Variants in PYCR3 observed in about 807,000 individuals in gnomAD.
The protein encoded by PYCR3 is P5C reductase 3.
A neutral mutation model predicts 23.4 loss-of-function variants in PYCR3; 26 were observed. The ratio of observed to expected loss-of-function variants is 1.11; its 90% confidence interval spans 0.81 to 1.54. The LOEUF is 1.54. Ranked by LOEUF, PYCR3 falls within the 40% of genes most tolerant of loss-of-function variation. The pLI, the probability that PYCR3 is intolerant of heterozygous loss-of-function variation, is 0.00. For missense variants in PYCR3, 360 were observed against 376.3 expected, an observed-to-expected ratio of 0.96 and a Z score of 0.36; for synonymous variants, 194 against 162.6, an observed-to-expected ratio of 1.19 and a Z score of -1.47.
At chr8:143,606,771 C>G in intron 3 of PYCR3, 92 bp from the exon 4 acceptor site, 1 of 1,386,540 alleles carries the variant, frequency 7.2e-7, no homozygotes, top group Non-Finnish European at 9.8e-7. Context: ...TCCACGTCAG[C>G]TCGCGGTGGG....
Position 143,606,146 on chromosome 8 carries a change from T to C in PYCR3, c.558A>G (p.Ala186=). 6.2e-7 allele frequency: 1 copy of C among 1,608,524 alleles called. No individual in the cohort carries two copies. The highest frequency in any genetic ancestry group is 8.5e-7 in the Non-Finnish European group (1 of 1,178,260). Residue 186 remains alanine (A), a synonymous_variant, in exon 5 of 6, where the codon GCA becomes GCG. Coordinates refer to ENST00000495276, the MANE Select transcript of PYCR3 (RefSeq NM_023078.6). The part of the protein sequence containing the change: ...LSGSGVAFVC[A]FSEALAEGAV... ...CTCCTTCAGCCAGGGCCTCGGAGAATGCACACACCTGTAGCCGCGGCATGG... is the reference window on the plus strand; with the variant it reads ...CTCCTTCAGCCAGGGCCTCGGAGAACGCACACACCTGTAGCCGCGGCATGG...
chr8:143,604,589 G>C lies in PYCR3; in HGVS notation c.*1111C>G. 3.2e-6 allele frequency: 1 copy of C among 308,294 alleles called. No individual in the cohort carries two copies. Among genetic ancestry groups the C allele is most frequent in the Non-Finnish European group, 6.3e-6 (1 of 159,434 alleles). The allele number at this position is 308,294 out of a possible 1,614,324, so 19.1% of individuals were successfully genotyped here. A position where few individuals can be genotyped will look rare whatever the true frequency, so the allele number is the denominator to read the frequency against. The stretch of plus-strand genomic sequence containing the variant: ...TCCCGCCTCACCTCCAGAGGCTGTT[G>C]GGCGGAAGCCGAGAGCTGCAGCAGT... On this transcript the variant is annotated 3_prime_UTR_variant, in exon 6 of 6. Transcript: ENST00000495276.
intron 1 of PYCR3, 98 bp from the exon 2 acceptor site, chr8:143,608,224 G>T: frequency 1.0e-6 from 1 of 962,836 alleles, no homozygotes; most frequent in South Asian, 1.4e-5. Flanking sequence ...GCTCAGCCAC[G>T]CCTGGCCCAT....
Position 143,605,100 on chromosome 8 carries a change from C to CT in PYCR3, c.*599_*600insA. On this transcript the variant is annotated 3_prime_UTR_variant, in exon 6 of 6. Transcript: ENST00000495276. ...CCTGCTCCTTAGCAGGGGATGAGCA[C>CT]GCCCACCACAGCCACCCTCTTCTCC... 1 of 367,440 alleles carries CT rather than the reference C, an allele frequency of 2.7e-6. No homozygotes were observed. The highest frequency in any genetic ancestry group is 5.4e-6 in the Non-Finnish European group (1 of 185,728). The allele number at this position is 367,440 out of a possible 1,614,324, so 22.8% of individuals were successfully genotyped here. A position where few individuals can be genotyped will look rare whatever the true frequency, so the allele number is the denominator to read the frequency against.
chr8:143,609,459 T>C lies in PYCR3; in HGVS notation c.90A>G (p.Ala30=). Reference sequence around the variant, plus strand: ...AGGCCTAGCCCCGCGCCGCCCCACCTGCTCTGATGAGGCCCTGCGCGATGG... The same window carrying C: ...AGGCCTAGCCCCGCGCCGCCCCACCCGCTCTGATGAGGCCCTGCGCGATGG... The part of the protein sequence containing the change: ...AGAIAQGLIR[A]GKVEAQHILA... The change falls in exon 1 of 6, where the codon GCA becomes GCG. Residue 30 remains alanine (A), a splice_region_variant and synonymous_variant. Coordinates refer to ENST00000495276, the MANE Select transcript of PYCR3 (RefSeq NM_023078.6). The C allele has an allele frequency of 6.6e-7, 1 of 1,505,264 alleles. No individual in the cohort carries two copies. The allele number at this position is 1,505,264 out of a possible 1,614,324, so 93.2% of individuals were successfully genotyped here. A position where few individuals can be genotyped will look rare whatever the true frequency, so the allele number is the denominator to read the frequency against.
At chr8:143,609,344 G>C (rs1829481974) in intron 1 of PYCR3, 114 bp downstream of exon 1, 2 of 1,214,910 alleles carry the variant, frequency 1.6e-6, no homozygotes, top group Non-Finnish European at 2.2e-6. Flanking sequence ...TGCGCCCAGC[G>C]GAGCGGAGAC....
At chr8:143,608,654 C>G (rs192191534) in intron 1 of PYCR3, 19 of 321,286 alleles carry the variant, frequency 5.9e-5, no homozygotes, top group African/African-American at 4.2e-4. Flanking sequence ...TAAGGTCGAA[C>G]AGGAAGGCAC....
chr8:143,607,862 C>A (rs1270137823), intron 2 of PYCR3, among the ~76,000 whole-genome samples, 200 bp downstream of exon 2: 1 of 152,212 alleles, frequency 6.6e-6, no homozygotes, highest in Non-Finnish European at 1.5e-5. Flanking sequence ...CACACACACA[C>A]AAACACTTTG....
intron 3 of PYCR3, 58 bp downstream of exon 3, chr8:143,606,895 C>T (rs1829416857): frequency 2.0e-6 from 3 of 1,520,338 alleles, no homozygotes; most frequent in Non-Finnish European, 2.7e-6. Flanking sequence ...GCCTGCCGCC[C>T]AAGCCTGGCC....
chr8:143,608,212 A>T (rs1311271759), intron 1 of PYCR3, 86 bp from the exon 2 acceptor site: 2 of 1,115,076 alleles, frequency 1.8e-6, no homozygotes, highest in Admixed American at 3.6e-5. Context: ...TTGGCCTCTC[A>T]GGCTCAGCCA....
At chr8:143,608,950 G>A (rs1161252232) in intron 1 of PYCR3, 15 of 456,642 alleles carry the variant, frequency 3.3e-5, no homozygotes, top group South Asian at 1.6e-4. Context: ...AATGCCTGGA[G>A]GAGTATATGG....
rs952563651 is a variant in PYCR3 at position 143,603,239 on chromosome 8, T to C, written c.*2461A>G. The C allele has an allele frequency of 6.6e-6, 1 of 152,200 alleles. No individual in the cohort carries two copies. The highest frequency in any genetic ancestry group is 2.4e-5 in the African/African-American group (1 of 41,438). 9.4% of individuals were successfully genotyped at this position (152,200 alleles called of 1,614,324 possible). On this transcript the variant is annotated 3_prime_UTR_variant, in exon 6 of 6. Coordinates refer to ENST00000495276, the MANE Select transcript of PYCR3 (RefSeq NM_023078.6). ...CTTCATGAGCATCCCTGTTTTGAAG[T>C]CTTATTTTTAAACTCTTGATCCAAC...
intron 2 of PYCR3, among the ~76,000 whole-genome samples, chr8:143,607,571 C>T (rs1175575236): frequency 6.6e-6 from 1 of 152,160 alleles, no homozygotes; most frequent in South Asian, 2.1e-4. Context: ...CACTCATACA[C>T]GCACACACGC....
Position 143,604,632 on chromosome 8 carries a change from TG to T in PYCR3, c.*1067del, listed in dbSNP as rs1267286539. 5 of 313,156 alleles carry T rather than the reference TG, an allele frequency of 1.6e-5. No homozygotes were observed. Among genetic ancestry groups the T allele is most frequent in the African/African-American group, 2.2e-5 (1 of 44,490 alleles). 19.4% of individuals were successfully genotyped at this position (313,156 alleles called of 1,614,324 possible). A position where few individuals can be genotyped will look rare whatever the true frequency, so the allele number is the denominator to read the frequency against. On this transcript the variant is annotated 3_prime_UTR_variant, in exon 6 of 6. Transcript: ENST00000495276. ...GCAGCAGTTGGGGCCAGCGTGGGAC[TG>T]GAGGCCCAGGTGAATCTTGTGGGGC...
chr8:143,605,215 A>C lies in PYCR3; in HGVS notation c.*485T>G. ...GCAGGGGAGAGGGTCTCTTGTGCAG[A>C]CCCCATATGGCTCGTGCCCCCTAGA... On this transcript the variant is annotated 3_prime_UTR_variant, in exon 6 of 6. Coordinates refer to ENST00000495276, the MANE Select transcript of PYCR3 (RefSeq NM_023078.6). 3.1e-6 allele frequency: 1 copy of C among 320,106 alleles called. No individual in the cohort carries two copies. The highest frequency in any genetic ancestry group is 6.1e-6 in the Non-Finnish European group (1 of 164,522). The allele number at this position is 320,106 out of a possible 1,614,324, so 19.8% of individuals were successfully genotyped here. A position where few individuals can be genotyped will look rare whatever the true frequency, so the allele number is the denominator to read the frequency against.
rs1186276934 is a variant in PYCR3 at position 143,606,503 on chromosome 8, G to A, written c.513C>T (p.Asp171=). 1.2e-6 allele frequency: 2 copies of A among 1,612,728 alleles called. No individual in the cohort carries two copies. The highest frequency in any genetic ancestry group is 2.7e-5 in the African/African-American group (2 of 74,904). ...RCEEVPEAYV[D]IHTGLSGSGV... is the part of the protein sequence containing the mutation. The stretch of plus-strand genomic sequence containing the variant: ...CACTGCCACTGAGGCCAGTGTGGAT[G>A]TCGACGTAGGCTTCAGGCACCTCCT... The change falls in exon 4 of 6, where the codon GAC becomes GAT. Residue 171 remains aspartate, a synonymous_variant. Transcript: ENST00000495276.
Position 143,605,860 on chromosome 8 carries a change from TGCA to T in PYCR3, c.662_664del (p.Leu221del), listed in dbSNP as rs761987994. The T allele has an allele frequency of 6.2e-7, 1 of 1,609,142 alleles. No individual in the cohort carries two copies. The highest frequency in any genetic ancestry group is 8.5e-7 in the Non-Finnish European group (1 of 1,177,988). On this transcript the variant is annotated inframe_deletion, in exon 6 of 6. Coordinates refer to ENST00000495276, the MANE Select transcript of PYCR3 (RefSeq NM_023078.6). ...CAGCTGGGCTGGGTGTTGGCCCTCG[TGCA>T]GCAGCATCTTGGCCGTCCCCTGAGG... is the stretch of plus-strand genomic sequence containing the variant.
intron 3 of PYCR3, 114 bp downstream of exon 3, chr8:143,606,839 G>A: frequency 7.2e-7 from 1 of 1,380,152 alleles, no homozygotes; most frequent in Non-Finnish European, 9.9e-7. Context: ...CCAGCCACTT[G>A]ATCCAGGTGG....
rs183033136 is a variant in PYCR3, at chr8:143,608,102, A to G, written c.116T>C (p.Leu39Pro). Residue 39 changes from leucine to proline, a missense_variant, in exon 2 of 6, where the codon CTG becomes CCG. Coordinates refer to ENST00000495276, the MANE Select transcript of PYCR3 (RefSeq NM_023078.6). ...RAGKVEAQHI[L>P]ASAPTDRNLC... ...GTTCCTGTCTGTTGGTGCACTGGCC[A>G]GTATGTGCTGAGCTTCCACTTTTCC... The G allele has an allele frequency of 6.1e-5, 98 of 1,613,892 alleles. No individual in the cohort carries two copies. In the East Asian group the frequency reaches 2.2e-3, roughly 36 times the overall value.
Sources: allele counts gnomAD v4.1 joint callset (sites outside exome capture counted in the v4.1 genomes callset), GRCh38; gene constraint gnomAD v4.1.1; transcripts MANE v1.5; gene names NCBI Gene and HGNC (gene_info 2026-07-23, HGNC 2026-07-21).